Variants in ATP11B observed in about 807,000 individuals in gnomAD.
The protein encoded by ATP11B is phospholipid-transporting ATPase IF.
In ATP11B, 81 loss-of-function variants were observed where a neutral mutation model predicts 157.8. The observed-to-expected ratio is 0.51, with a 90% CI of 0.43 to 0.62. ATP11B has a LOEUF of 0.62. Among genes scored for constraint, ATP11B ranks in the 20% least tolerant of loss-of-function variants. The pLI is 0.00. For missense variants in ATP11B, 1,165 were observed against 1,402.2 expected (o/e 0.83, Z 2.70); for synonymous variants, 451 against 469.4 (o/e 0.96, Z 0.51).
At chr3:182,903,455 G>A (rs545521129) in intron 28 of ATP11B, among the ~76,000 whole-genome samples, 12 of 152,028 alleles carry the variant, frequency 7.9e-5, no homozygotes, top group Admixed American at 1.3e-4. Context: ...TGGCTTTTAC[G>A]AAGCACCACT....
At chr3:182,829,631 T>C in intron 3 of ATP11B, 41 bp from the exon 4 acceptor site, 1 of 1,330,866 alleles carries the variant, frequency 7.5e-7, no homozygotes, top group South Asian at 1.3e-5. Context: ...ATGTGCACAA[T>C]ATAAAAATAT....
rs1304385788 is a variant in ATP11B at position 182,859,233 on chromosome 3, T to C, written c.1074T>C (p.Tyr358=). Residue 358 remains tyrosine (Y), a synonymous_variant, in exon 12 of 30, where the codon TAT becomes TAC. Transcript: ENST00000323116. ...ATTTCATCATTCCAATTTCATTATA[T>C]GTGACAGTCGAAATGCAGAAATTTC... The part of the protein sequence containing the change: ...LYNFIIPISL[Y]VTVEMQKFLG... The C allele has an allele frequency of 5.6e-6, 9 of 1,613,008 alleles. No individual in the cohort carries two copies. Among genetic ancestry groups the C allele is most frequent in the Non-Finnish European group, 7.6e-6 (9 of 1,179,388 alleles).
At chr3:182,851,452 T>C (rs918667353) in intron 10 of ATP11B, among the ~76,000 whole-genome samples, 1 of 152,224 alleles carries the variant, frequency 6.6e-6, no homozygotes, top group Admixed American at 6.5e-5. Context: ...CTTTAACTTC[T>C]TGTGATGCTA....
chr3:182,886,182 A>C (rs1445733367), intron 23 of ATP11B, among the ~76,000 whole-genome samples, 172 bp downstream of exon 23: 1 of 152,074 alleles, frequency 6.6e-6, no homozygotes, highest in East Asian at 1.9e-4. Flanking sequence ...CAGAATATTT[A>C]TTTATTCTGG....
At chr3:182,914,685 A>G (rs1003486336) in intron 29 of ATP11B, 2 of 985,274 alleles carry the variant, frequency 2.0e-6, no homozygotes, top group Non-Finnish European at 2.4e-6. Context: ...GAGATTTATC[A>G]CCATGCCTGC....
intron 9 of ATP11B, among the ~76,000 whole-genome samples, chr3:182,848,134 G>C (rs472878): frequency 0.64 from 97,373 of 152,082 alleles, 33,101 homozygotes; most frequent in Non-Finnish European, 0.77. Flanking sequence ...ATCTGTCTTT[G>C]TTAACACTGC....
chr3:182,886,599 C>T (rs753490617), intron 23 of ATP11B, among the ~76,000 whole-genome samples: 7 of 152,146 alleles, frequency 4.6e-5, no homozygotes, highest in Non-Finnish European at 8.8e-5. Context: ...TCCTGATCTA[C>T]TTTGTTTTAA....
rs1722685440 is a variant in ATP11B at position 182,884,749 on chromosome 3, A to G, written c.2510-4A>G. 2 of 1,586,836 alleles carry G rather than the reference A, an allele frequency of 1.3e-6. No individual in the cohort carries two copies. The highest frequency in any genetic ancestry group is 1.2e-5 in the South Asian group (1 of 84,788). On this transcript the variant is annotated splice_region_variant and splice_polypyrimidine_tract_variant and intron_variant, in intron 21 of 29. Transcript: ENST00000323116. ...GAACATGTCTTTTGTCCCTTTTATT[A>G]TAGGAATCATGGGTAAAGAAGGAAG...
intron 18 of ATP11B, 148 bp from the exon 19 acceptor site, chr3:182,873,664 A>G (rs1721826896): frequency 1.5e-6 from 1 of 654,672 alleles, no homozygotes; most frequent in African/African-American, 1.8e-5. Flanking sequence ...TAATGAGAGA[A>G]AATTCCAGTT....
intron 1 of ATP11B, among the ~76,000 whole-genome samples, chr3:182,798,066 G>C (rs1268814708): frequency 6.6e-6 from 1 of 152,112 alleles, no homozygotes; most frequent in African/African-American, 2.4e-5. Context: ...GACCCAAGTA[G>C]TTTGAGGCTG....
chr3:182,916,594 C>CT (rs2108600067), intron 29 of ATP11B: 1 of 985,162 alleles, frequency 1.0e-6, no homozygotes, highest in South Asian at 4.7e-5. Context: ...TCGTGTATTA[C>CT]TAACAGTTAA....
At chr3:182,832,131 CAAGT>C (rs918238412) in intron 4 of ATP11B, among the ~76,000 whole-genome samples, 1 of 152,066 alleles carries the variant, frequency 6.6e-6, no homozygotes, top group Non-Finnish European at 1.5e-5. Flanking sequence ...TTTTTATCTA[CAAGT>C]AAGAGTTTAA....
intron 10 of ATP11B, among the ~76,000 whole-genome samples, chr3:182,854,289 G>A (rs764943481): frequency 1.6e-4 from 25 of 152,116 alleles, no homozygotes; most frequent in Admixed American, 3.3e-4. Context: ...GACCAACATG[G>A]AGAAACCCTG....
rs761246425 is a variant in ATP11B at position 182,858,032 on chromosome 3, T to C, written c.1002+4T>C. On this transcript the variant is annotated splice_donor_region_variant and intron_variant, in intron 11 of 29. Transcript: ENST00000323116. ...ACATCAAAGAAATAGCAGTAAGGTA[T>C]TTTATGGTGTTATTGACTGTGTCAT... The C allele has an allele frequency of 6.2e-7, 1 of 1,607,596 alleles. No homozygotes were observed. Among genetic ancestry groups the C allele is most frequent in the Admixed American group, 1.7e-5 (1 of 59,846 alleles).
At chr3:182,881,196 G>A (rs1186049644) in intron 21 of ATP11B, among the ~76,000 whole-genome samples, 1 of 152,160 alleles carries the variant, frequency 6.6e-6, no homozygotes, top group Non-Finnish European at 1.5e-5. Context: ...AGCACTTTGG[G>A]GGGTTGAGGC....
At chr3:182,814,478 T>G (rs1011072020) in intron 1 of ATP11B, among the ~76,000 whole-genome samples, 10 of 152,180 alleles carry the variant, frequency 6.6e-5, no homozygotes, top group Admixed American at 3.9e-4. Flanking sequence ...AGAATTAATT[T>G]GTGTCAGACA....
intron 25 of ATP11B, among the ~76,000 whole-genome samples, chr3:182,890,306 A>T (rs754871154): frequency 2.8e-4 from 42 of 152,260 alleles, no homozygotes; most frequent in Middle Eastern, 6.8e-3. Flanking sequence ...TCCCTTTTCC[A>T]TTCCCATCAC....
intron 1 of ATP11B, among the ~76,000 whole-genome samples, chr3:182,812,699 A>T (rs1039517686): frequency 2.6e-5 from 4 of 152,192 alleles, no homozygotes; most frequent in African/African-American, 9.6e-5. Context: ...GATGAAGTTG[A>T]TTTCTAAAAA....
At chr3:182,795,115 A>G (rs1375089698) in intron 1 of ATP11B, among the ~76,000 whole-genome samples, 1 of 152,180 alleles carries the variant, frequency 6.6e-6, no homozygotes, top group African/African-American at 2.4e-5. Flanking sequence ...AGCATTGTAA[A>G]TTCAGATATC....
Sources: gnomAD v4.1 joint callset for allele counts (sites outside exome capture counted in the v4.1 genomes callset) on GRCh38, gnomAD v4.1.1 for gene constraint, MANE v1.5 for transcripts, NCBI Gene and HGNC (gene_info 2026-07-23, HGNC 2026-07-21) for gene names.